The following RBFOX1 variants were observed in gnomAD, a reference collection of about 807,000 sequenced individuals.
RBFOX1 encodes the protein RNA binding fox-1 homolog 1, also known as RNA binding protein fox-1 homolog 1.
Under a neutral mutation model 57.7 loss-of-function variants are expected in RBFOX1, and 8 were observed. The ratio of observed to expected loss-of-function variants is 0.14; its 90% CI spans 0.08 to 0.25. The LOEUF is 0.25. Ranked by LOEUF, RBFOX1 falls within the 10% of genes least tolerant of loss-of-function variation. The pLI is 1.00. For missense variants in RBFOX1, 611 were observed against 548.5 expected (o/e 1.11, Z -1.14); for synonymous variants, 326 against 222.4 (o/e 1.47, Z -4.15).
In RBFOX1 at chr16:6,450,790, C is replaced by A. The variant is rs866456182; in HGVS notation, c.-64+133733C>A. On this transcript the variant is annotated intron_variant, in intron 2 of 15. Transcript: ENST00000550418. ...GTGTATATATATATATATATATATA[C>A]ATATATATATGTATATATATATATA... Among the ~76,000 whole-genome samples, 17 of 35,156 alleles carry A rather than the reference C, an allele frequency of 4.8e-4. 1 individual carries two copies. In the South Asian group the frequency reaches 0.013, roughly 27 times the overall value. 23.1% of individuals were successfully genotyped at this position (35,156 alleles called of 152,430 possible).
intron 1 of RBFOX1, among the ~76,000 whole-genome samples, chr16:5,456,236 A>G (rs2151582491): frequency 6.6e-6 from 1 of 152,260 alleles, no homozygotes; most frequent in East Asian, 1.9e-4. Flanking sequence ...AGCTTGCATA[A>G]TATTCAATGA....
chr16:5,657,596 C>G (rs76154341), intron 3 of RBFOX1, among the ~76,000 whole-genome samples: 2,129 of 150,202 alleles, frequency 0.014, 31 homozygotes, highest in African/African-American at 0.033. Context: ...TCTGTAAATT[C>G]TTTCTCGCTC....
At chr16:5,679,081 T>C (rs1661839065) in intron 3 of RBFOX1, among the ~76,000 whole-genome samples, 1 of 152,220 alleles carries the variant, frequency 6.6e-6, no homozygotes, top group African/African-American at 2.4e-5. Flanking sequence ...CTCAATTCAT[T>C]ACTCCATTTA....
At chr16:7,233,854 T>A (rs965574774) in intron 4 of RBFOX1, among the ~76,000 whole-genome samples, 6 of 152,350 alleles carry the variant, frequency 3.9e-5, no homozygotes, top group African/African-American at 7.2e-5. Flanking sequence ...CAACAAGGTT[T>A]ATTTCTGCCG....
intron 5 of RBFOX1, 143 bp from the exon 6 acceptor site, chr16:7,579,634 A>G: frequency 1.1e-6 from 1 of 938,312 alleles, no homozygotes; most frequent in Non-Finnish European, 1.6e-6. Context: ...GAATGAATGC[A>G]TGCATGCATG....
At chr16:7,372,366 G>T (rs553939693) in intron 4 of RBFOX1, among the ~76,000 whole-genome samples, 18 of 152,278 alleles carry the variant, frequency 1.2e-4, no homozygotes, top group African/African-American at 3.6e-4. Flanking sequence ...CCTAGTCTGT[G>T]CCAGGCATCT....
chr16:6,894,721 A>T (rs2066337610), intron 3 of RBFOX1, among the ~76,000 whole-genome samples: 1 of 152,212 alleles, frequency 6.6e-6, no homozygotes, highest in Non-Finnish European at 1.5e-5. Context: ...AAATTTTGTA[A>T]AAAGGTTACC....
intron 2 of RBFOX1, among the ~76,000 whole-genome samples, chr16:6,524,827 C>A (rs529875561): frequency 1.3e-3 from 203 of 152,232 alleles, no homozygotes; most frequent in Non-Finnish European, 2.5e-3. Flanking sequence ...CACCTGGCTC[C>A]TTCTCTGTGT....
chr16:6,217,863 A>G (rs9925016), intron 1 of RBFOX1, among the ~76,000 whole-genome samples: 3,088 of 152,168 alleles, frequency 0.02, 106 homozygotes, highest in African/African-American at 0.07. Flanking sequence ...AAAACTACAA[A>G]CATTAGCCTG....
chr16:6,906,223 C>CA, intron 3 of RBFOX1, among the ~76,000 whole-genome samples: 1 of 146,692 alleles, frequency 6.8e-6, no homozygotes, highest in East Asian at 2.0e-4. Flanking sequence ...TGGGCAACCC[C>CA]AAAAAGCAAT....
At chr16:7,670,351 C>T (rs2070987628) in intron 13 of RBFOX1, among the ~76,000 whole-genome samples, 2 of 151,910 alleles carry the variant, frequency 1.3e-5, no homozygotes, top group South Asian at 2.1e-4. Context: ...CTTTTTTTTC[C>T]AGAAAAAAAG....
intron 2 of RBFOX1, among the ~76,000 whole-genome samples, chr16:5,570,389 G>A (rs1308908814): frequency 2.0e-5 from 3 of 152,170 alleles, no homozygotes; most frequent in African/African-American, 7.2e-5. Context: ...AGGAGTTAGT[G>A]TATGGGACTC....
chr16:7,026,581 C>T lies in RBFOX1; in HGVS notation c.-15-25476C>T, dbSNP rs544776188. ...GGCTTCTCCCCGTCCCCTCTCCTGGCAGCTGTGGCGTTTCTGCACAGAGGT... is the reference window on the plus strand; with the variant it reads ...GGCTTCTCCCCGTCCCCTCTCCTGGTAGCTGTGGCGTTTCTGCACAGAGGT... On this transcript the variant is annotated intron_variant, in intron 3 of 15. Transcript: ENST00000550418. Among the ~76,000 whole-genome samples the T allele has an allele frequency of 4.9e-4, 75 of 152,240 alleles. 1 individual carries two copies. The highest frequency in any genetic ancestry group is 3.4e-3 in the Admixed American group (52 of 15,288).
intron 3 of RBFOX1, among the ~76,000 whole-genome samples, chr16:6,710,327 T>TA (rs1216688837): frequency 2.0e-5 from 3 of 152,240 alleles, no homozygotes; most frequent in Non-Finnish European, 4.4e-5. Context: ...CTGCATTTTT[T>TA]AACAGTAAAA....
intron 1 of RBFOX1, among the ~76,000 whole-genome samples, chr16:5,255,354 C>CCCTCCATCCA (rs1555468931): frequency 2.3e-5 from 2 of 86,318 alleles, no homozygotes; most frequent in African/African-American, 3.6e-5. Context: ...CCATCCATCC[C>CCCTCCATCCA]TCCATCCATC....
intron 3 of RBFOX1, among the ~76,000 whole-genome samples, chr16:5,761,116 A>G (rs2053575943): frequency 6.6e-6 from 1 of 152,174 alleles, no homozygotes; most frequent in Non-Finnish European, 1.5e-5. Context: ...GGTCACAGAA[A>G]AGATGAAGGG....
chr16:7,165,850 T>C (rs141617651), intron 4 of RBFOX1, among the ~76,000 whole-genome samples: 14 of 152,054 alleles, frequency 9.2e-5, no homozygotes, highest in African/African-American at 3.1e-4. Context: ...AGATGGATGA[T>C]ATTACTCCTT....
intron 3 of RBFOX1, among the ~76,000 whole-genome samples, chr16:6,915,611 C>T (rs1276994620): frequency 1.4e-5 from 2 of 146,152 alleles, no homozygotes; most frequent in Non-Finnish European, 3.0e-5. Flanking sequence ...AGTGCAGTGC[C>T]ATGATCTCAG....
chr16:5,983,470 T>C (rs1336424592), intron 4 of RBFOX1, among the ~76,000 whole-genome samples: 2 of 152,120 alleles, frequency 1.3e-5, no homozygotes, highest in Admixed American at 6.5e-5. Context: ...CACTGACTCA[T>C]GGAACCTTCC....
Sources: allele counts gnomAD v4.1 joint callset (sites outside exome capture counted in the v4.1 genomes callset), GRCh38; gene constraint gnomAD v4.1.1; transcripts MANE v1.5; gene names NCBI Gene and HGNC (gene_info 2026-07-23, HGNC 2026-07-21).